Variants in NEBL observed in about 807,000 individuals in gnomAD.
NEBL encodes nebulette.
NEBL carries 122 observed loss-of-function variants against 140.2 expected under a neutral mutation model. The ratio of observed to expected loss-of-function variants is 0.87; its 90% confidence interval spans 0.75 to 1.01. The LOEUF is 1.01. NEBL is among the 50% of genes least tolerant of loss of function. The probability of loss-of-function intolerance (pLI) is 0.00; values close to 1 mark genes in which losing one functional copy is unlikely to be tolerated. For missense variants in NEBL, 1,365 were observed against 1,231.3 expected (o/e 1.11, Z -1.62); for synonymous variants, 436 against 398.9 (o/e 1.09, Z -1.11).
At chr10:20,885,793 G>T (rs1846461733) in intron 4 of NEBL, among the ~76,000 whole-genome samples, 1 of 152,136 alleles carries the variant, frequency 6.6e-6, no homozygotes, top group Admixed American at 6.5e-5. Flanking sequence ...GCTTTTTAAA[G>T]TGACCCACAT....
intron 2 of NEBL, among the ~76,000 whole-genome samples, chr10:21,134,552 G>A (rs538141775): frequency 6.6e-6 from 1 of 152,150 alleles, no homozygotes; most frequent in South Asian, 2.1e-4. Context: ...TTCTTCCAAG[G>A]ACTACCTTTT....
chr10:21,227,730 TTCTTCTTCTTC>T (rs1842184575), intron 3 of NEBL, among the ~76,000 whole-genome samples: 3 of 126,374 alleles, frequency 2.4e-5, no homozygotes, highest in Admixed American at 7.7e-5. Context: ...CTTCTTCTTC[TTCTTCTTCTTC>T]TTCTTCTTCT....
At position 20,888,178 on chromosome 10, in the gene NEBL, G is replaced by C. The variant is rs1312644048; in HGVS notation, c.288C>G (p.Asp96Glu). 6.2e-7 allele frequency: 1 copy of C among 1,613,370 alleles called. No homozygotes were observed. Among genetic ancestry groups the C allele is most frequent in the Non-Finnish European group, 8.5e-7 (1 of 1,179,588 alleles). Reference sequence around the variant, plus strand: ...TCCGCTTATAAAGAGAATTAGAAAGGTCAGCTTTAATGGTGCCTTTGTATT... The same window carrying C: ...TCCGCTTATAAAGAGAATTAGAAAGCTCAGCTTTAATGGTGCCTTTGTATT... ...EAKYKGTIKA[D>E]LSNSLYKRMP... The change falls in exon 4 of 28, where the codon GAC becomes GAG. Residue 96 changes from aspartate to glutamate, a missense_variant. Transcript: ENST00000377122.
intron 2 of NEBL, chr10:21,020,299 C>T (rs1231615122): frequency 9.6e-7 from 1 of 1,045,290 alleles, no homozygotes; most frequent in Non-Finnish European, 1.5e-6. Context: ...TTTCCCAACC[C>T]CATCACAGTG....
At chr10:21,030,095 G>T in intron 2 of NEBL, 3 of 472,254 alleles carry the variant, frequency 6.4e-6, no homozygotes, top group South Asian at 4.0e-5. Context: ...TGTCTTTGGA[G>T]GGGCAAAGCC....
At chr10:21,113,172 GA>G in intron 2 of NEBL, 1 of 295,740 alleles carries the variant, frequency 3.4e-6, no homozygotes, top group Non-Finnish European at 6.4e-6. Flanking sequence ...GGAAACTGAA[GA>G]AAAAGTGCCA....
At chr10:21,235,515 AT>A (rs1842336336) in intron 3 of NEBL, among the ~76,000 whole-genome samples, 1 of 152,096 alleles carries the variant, frequency 6.6e-6, no homozygotes, top group Non-Finnish European at 1.5e-5. Context: ...GGGTTTCGCC[AT>A]TATGGACAGG....
At position 20,785,826 on chromosome 10, in the gene NEBL, T is replaced by C. The variant is rs771530665; in HGVS notation, c.2966A>G (p.Asp989Gly). The C allele has an allele frequency of 6.2e-6, 10 of 1,613,930 alleles. No homozygotes were observed. The Admixed American group carries it at 1.5e-4, about 24-fold the overall frequency. Residue 989 changes from aspartate (D) to glycine (G), a missense_variant, in exon 28 of 28, where the codon GAT becomes GGT. Physicochemically the swap from Asp to Gly is moderately conservative, Grantham distance 94. Transcript: ENST00000377122. ...CTGCACTGTGCCGTACATCCAGCCA[T>C]CGTCAATAGGCTGCACGTTGACGAT... is the stretch of plus-strand genomic sequence containing the variant. ...DYIVNVQPIDDGWMYGTVQRT... is the reference protein window; with the variant it reads ...DYIVNVQPIDGGWMYGTVQRT...
At chr10:21,105,477 A>G (rs892487765) in intron 2 of NEBL, among the ~76,000 whole-genome samples, 3 of 152,060 alleles carry the variant, frequency 2.0e-5, no homozygotes, top group South Asian at 2.1e-4. Context: ...TAGAATGATC[A>G]CTTCCAGCTT....
intron 2 of NEBL, among the ~76,000 whole-genome samples, chr10:21,033,286 G>T (rs777093296): frequency 7.2e-5 from 11 of 152,070 alleles, no homozygotes; most frequent in Non-Finnish European, 1.5e-4. Context: ...AACATTAGAA[G>T]CACAAGAAGG....
chr10:21,101,685 C>T (rs918631701), intron 2 of NEBL, among the ~76,000 whole-genome samples: 2 of 152,134 alleles, frequency 1.3e-5, no homozygotes, highest in African/African-American at 4.8e-5. Context: ...ATACTATGTA[C>T]CCCCACAATT....
intron 16 of NEBL, among the ~76,000 whole-genome samples, chr10:20,829,671 A>G (rs913924695): frequency 1.9e-4 from 29 of 152,134 alleles, no homozygotes; most frequent in Admixed American, 1.9e-3. Flanking sequence ...AAGTATCCCA[A>G]TTGTATTTCA....
intron 3 of NEBL, among the ~76,000 whole-genome samples, chr10:21,211,828 C>T (rs1426730848): frequency 6.6e-6 from 1 of 152,156 alleles, no homozygotes; most frequent in Non-Finnish European, 1.5e-5. Context: ...ACGGATCTGT[C>T]GTCATGGCTT....
intron 3 of NEBL, among the ~76,000 whole-genome samples, chr10:21,013,564 A>G (rs563400877): frequency 1.3e-5 from 2 of 152,304 alleles, no homozygotes; most frequent in Admixed American, 1.3e-4. Context: ...TAGAAGTCTG[A>G]AGTTGTCCAA....
intron 2 of NEBL, among the ~76,000 whole-genome samples, chr10:21,026,670 A>G (rs1335523220): frequency 6.6e-6 from 1 of 152,234 alleles, no homozygotes; most frequent in African/African-American, 2.4e-5. Context: ...TTCAGATGTC[A>G]AAAGAATTTG....
chr10:20,873,397 CT>C (rs146015390), intron 5 of NEBL, among the ~76,000 whole-genome samples: 246 of 152,100 alleles, frequency 1.6e-3, no homozygotes, highest in Admixed American at 6.0e-3. Flanking sequence ...CCAATAATTG[CT>C]TTTACATTAT....
At chr10:21,172,360 G>A (rs1841115860) in intron 2 of NEBL, 6 of 1,569,654 alleles carry the variant, frequency 3.8e-6, no homozygotes, top group Non-Finnish European at 5.3e-6. Flanking sequence ...GCCACACCTG[G>A]ACAGCGTGTT....
chr10:21,237,548 A>G (rs1842373631), intron 3 of NEBL, among the ~76,000 whole-genome samples: 1 of 151,584 alleles, frequency 6.6e-6, no homozygotes, highest in African/African-American at 2.4e-5. Context: ...GTTAACATCT[A>G]ATTGACATCT....
chr10:20,853,298 A>G (rs1474858105), intron 9 of NEBL, among the ~76,000 whole-genome samples: 1 of 152,226 alleles, frequency 6.6e-6, no homozygotes. Context: ...ATATAGACAA[A>G]AAGTTGAATT....
Sources: allele counts gnomAD v4.1 joint callset (sites outside exome capture counted in the v4.1 genomes callset), GRCh38; gene constraint gnomAD v4.1.1; transcripts MANE v1.5; gene names NCBI Gene and HGNC (gene_info 2026-07-23, HGNC 2026-07-21).